The following ROBO1 variants were observed in gnomAD, a reference collection of about 807,000 sequenced individuals.
ROBO1 encodes roundabout guidance receptor 1, also known as roundabout homolog 1.
ROBO1 carries 149 observed loss-of-function variants against 195.9 expected under a neutral mutation model. The observed-to-expected ratio is 0.76, with a 90% CI of 0.67 to 0.87. ROBO1 has a LOEUF of 0.87. ROBO1 is among the 40% of genes least tolerant of loss of function. The pLI is 0.00. For missense variants in ROBO1, 1,933 were observed against 2,068.3 expected, an observed-to-expected ratio of 0.93 and a Z score of 1.27; for synonymous variants, 816 against 733.2, an observed-to-expected ratio of 1.11 and a Z score of -1.82.
At chr3:79,705,677 C>T (rs551068565) in intron 1 of ROBO1, among the ~76,000 whole-genome samples, 1 of 152,138 alleles carries the variant, frequency 6.6e-6, no homozygotes, top group African/African-American at 2.4e-5. Context: ...TTTGCCTTTT[C>T]ATATAAACCC....
intron 4 of ROBO1, among the ~76,000 whole-genome samples, chr3:78,823,393 C>T (rs2031228417): frequency 6.6e-6 from 1 of 152,068 alleles, no homozygotes; most frequent in Non-Finnish European, 1.5e-5. Flanking sequence ...ATTTACTATC[C>T]TATTTCTCTA....
At chr3:79,294,085 A>G (rs1258777027) in intron 2 of ROBO1, among the ~76,000 whole-genome samples, 2 of 146,334 alleles carry the variant, frequency 1.4e-5, no homozygotes, top group Non-Finnish European at 1.5e-5. Flanking sequence ...AAAAAAAAAG[A>G]AAGAAAAAAC....
At chr3:79,299,347 A>AATT (rs1443888279) in intron 2 of ROBO1, among the ~76,000 whole-genome samples, 2 of 152,168 alleles carry the variant, frequency 1.3e-5, no homozygotes, top group Non-Finnish European at 2.9e-5. Context: ...CTGGTCTCCA[A>AATT]ATTCTTCACC....
intron 3 of ROBO1, among the ~76,000 whole-genome samples, chr3:78,962,770 G>T (rs140855319): frequency 1.1e-3 from 146 of 139,042 alleles, no homozygotes; most frequent in Middle Eastern, 4.5e-3. Flanking sequence ...CTTGCAGTGA[G>T]CCGAGATCGC....
intron 3 of ROBO1, among the ~76,000 whole-genome samples, chr3:79,013,767 A>T (rs2077849027): frequency 6.6e-6 from 1 of 152,186 alleles, no homozygotes; most frequent in Non-Finnish European, 1.5e-5. Flanking sequence ...TATATGTCAT[A>T]GGATTTTTAT....
chr3:79,515,579 C>A (rs1940909765), intron 2 of ROBO1, among the ~76,000 whole-genome samples: 1 of 152,086 alleles, frequency 6.6e-6, no homozygotes, highest in African/African-American at 2.4e-5. Flanking sequence ...TTGAAATGAT[C>A]TAACATTATC....
At chr3:79,265,945 A>C (rs1306116967) in intron 2 of ROBO1, among the ~76,000 whole-genome samples, 2 of 151,572 alleles carry the variant, frequency 1.3e-5, no homozygotes, top group Admixed American at 1.3e-4. Context: ...CTAATCCATG[A>C]CAAGAAAACA....
rs534530466 is a variant in ROBO1 at position 79,355,756 on chromosome 3, T to A, written c.89-230217A>T. On this transcript the variant is annotated intron_variant, in intron 2 of 30. Coordinates refer to ENST00000464233, the MANE Select transcript of ROBO1 (RefSeq NM_002941.4). ...TACAGGATTTTATTCTTTTTATGAC[T>A]GAATAGTGTTCCATTATGTATATAT... is the stretch of plus-strand genomic sequence containing the variant. Among the ~76,000 whole-genome samples, 39 of 152,322 alleles carry A rather than the reference T, an allele frequency of 2.6e-4. No individual in the cohort carries two copies. In the South Asian group the frequency reaches 7.9e-3, roughly 31 times the overall value.
At chr3:79,562,331 A>G (rs1481729739) in intron 2 of ROBO1, among the ~76,000 whole-genome samples, 1 of 152,100 alleles carries the variant, frequency 6.6e-6, no homozygotes, top group Admixed American at 6.6e-5. Flanking sequence ...AAATAGTAAA[A>G]GTAGTAGTAC....
chr3:79,331,298 T>C (rs1230126647), intron 2 of ROBO1, among the ~76,000 whole-genome samples: 1 of 152,186 alleles, frequency 6.6e-6, no homozygotes, highest in Non-Finnish European at 1.5e-5. Context: ...ACTATAAAGT[T>C]TATTTCACCT....
chr3:79,294,703 C>G (rs564839516), intron 2 of ROBO1, among the ~76,000 whole-genome samples: 47 of 152,084 alleles, frequency 3.1e-4, no homozygotes, highest in African/African-American at 8.9e-4. Context: ...CTATCCATCT[C>G]ACAAAGGGCT....
chr3:79,141,098 T>G (rs762624986), intron 2 of ROBO1, among the ~76,000 whole-genome samples: 20 of 152,222 alleles, frequency 1.3e-4, no homozygotes, highest in Non-Finnish European at 2.6e-4. Flanking sequence ...TTTCAACATC[T>G]GTCCAATTTC....
At chr3:79,149,207 A>G (rs1172528532) in intron 2 of ROBO1, among the ~76,000 whole-genome samples, 1 of 151,946 alleles carries the variant, frequency 6.6e-6, no homozygotes, top group Non-Finnish European at 1.5e-5. Context: ...TTTATTATAA[A>G]CTGTCCATTT....
chr3:79,272,378 C>T (rs2030643813), intron 2 of ROBO1, among the ~76,000 whole-genome samples: 2 of 152,070 alleles, frequency 1.3e-5, no homozygotes. Context: ...GAAGCCTCCA[C>T]TGACCATCCT....
intron 2 of ROBO1, among the ~76,000 whole-genome samples, chr3:79,235,005 G>A (rs1277140363): frequency 6.6e-6 from 1 of 151,960 alleles, no homozygotes; most frequent in Non-Finnish European, 1.5e-5. Context: ...AAAAATACAA[G>A]CAATATCAAA....
At chr3:78,688,457 CT>C (rs970292727) in intron 9 of ROBO1, among the ~76,000 whole-genome samples, 190 bp downstream of exon 9, 1 of 152,110 alleles carries the variant, frequency 6.6e-6, no homozygotes, top group African/African-American at 2.4e-5. Flanking sequence ...GAGAAAAATG[CT>C]TTCAGAATTC....
At chr3:79,568,978 A>C (rs1036297919) in intron 2 of ROBO1, among the ~76,000 whole-genome samples, 20 of 152,230 alleles carry the variant, frequency 1.3e-4, no homozygotes, top group Non-Finnish European at 2.4e-4. Context: ...TAATACACTA[A>C]GAGGAAATAA....
rs1306191089 is a variant in ROBO1 at position 78,685,814 on chromosome 3, T to C, written c.1274A>G (p.Tyr425Cys). ...ITNVQRSDVG[Y>C]YICQTLNVAG... ...AACATTTAAAGTCTGGCAGATGTAA[T>C]AACCAACATCAGATCGCTGGACATT... The change falls in exon 10 of 31, where the codon TAT becomes TGT. Residue 425 changes from tyrosine (Y) to cysteine (C), a missense_variant. Transcript: ENST00000464233. 1 of 1,612,440 alleles carries C rather than the reference T, an allele frequency of 6.2e-7. No individual in the cohort carries two copies. Among genetic ancestry groups the C allele is most frequent in the Non-Finnish European group, 8.5e-7 (1 of 1,178,888 alleles).
intron 2 of ROBO1, among the ~76,000 whole-genome samples, chr3:79,338,139 A>G (rs1351026906): frequency 6.6e-6 from 1 of 152,200 alleles, no homozygotes; most frequent in African/African-American, 2.4e-5. Context: ...TTAAAAATGC[A>G]GTAATTGCTT....
Sources: gnomAD v4.1 joint callset for allele counts (sites outside exome capture counted in the v4.1 genomes callset) on GRCh38, gnomAD v4.1.1 for gene constraint, MANE v1.5 for transcripts, NCBI Gene and HGNC (gene_info 2026-07-23, HGNC 2026-07-21) for gene names.